DDX25: variants seen among roughly 807,000 people sequenced by gnomAD.
The protein encoded by DDX25 is ATP-dependent RNA helicase DDX25.
In DDX25, 70 loss-of-function variants were observed where a neutral mutation model predicts 64.6. The ratio of observed to expected loss-of-function variants is 1.08; its 90% CI spans 0.89 to 1.32. The LOEUF (loss-of-function observed/expected upper bound fraction) is 1.32. DDX25 is among the 40% of genes most tolerant of loss of function. DDX25 has a pLI of 0.00. For synonymous variants in DDX25, 211 were observed against 213.3 expected (o/e 0.99, Z 0.09); for missense variants, 587 against 604.4 (o/e 0.97, Z 0.30).
At chr11:125,906,830 A>AAG (rs1031764258) in intron 4 of DDX25, among the ~76,000 whole-genome samples, 1 of 151,518 alleles carries the variant, frequency 6.6e-6, no homozygotes, top group African/African-American at 2.4e-5. Context: ...TCTCAAAAAA[A>AAG]AAAAAAAAAA....
Position 125,911,468 on chromosome 11 carries a change from T to C in DDX25, c.780T>C (p.Asp260=), listed in dbSNP as rs761085432. ...TGATTGACACTCAAGGATTCTCAGATCATAGTATTCGTATTCAAAGGTAAT... is the reference window on the plus strand; with the variant it reads ...TGATTGACACTCAAGGATTCTCAGACCATAGTATTCGTATTCAAAGGTAAT... The part of the protein sequence containing the change: ...DVMIDTQGFS[D]HSIRIQRALP... Residue 260 remains aspartate, a synonymous_variant, in exon 8 of 12, where the codon GAT becomes GAC. Coordinates refer to ENST00000263576, the MANE Select transcript of DDX25 (RefSeq NM_013264.5). 1 of 1,613,904 alleles carries C rather than the reference T, an allele frequency of 6.2e-7. No individual in the cohort carries two copies. The highest frequency in any genetic ancestry group is 8.5e-7 in the Non-Finnish European group (1 of 1,179,840).
At chr11:125,908,982 C>T (rs1303391729) in intron 6 of DDX25, among the ~76,000 whole-genome samples, 1 of 152,176 alleles carries the variant, frequency 6.6e-6, no homozygotes, top group Non-Finnish European at 1.5e-5. Context: ...AACTGCAGGA[C>T]CAGAAGGTCA....
rs781192554 is a variant in DDX25, at chr11:125,928,795, T to A, written c.*5914T>A. On this transcript the variant is annotated 3_prime_UTR_variant, in exon 12 of 12. Transcript: ENST00000263576. The stretch of plus-strand genomic sequence containing the variant: ...AGTTGTGTGAAATATATGTGTGAAT[T>A]TATTTTTCCAAATAAAATAAAGACA... The A allele has an allele frequency of 5.9e-5, 9 of 152,220 alleles. No individual in the cohort carries two copies. The highest frequency in any genetic ancestry group is 1.3e-4 in the Non-Finnish European group (9 of 68,038). 9.4% of individuals were successfully genotyped at this position (152,220 alleles called of 1,614,324 possible).
At position 125,926,035 on chromosome 11, in the gene DDX25, T is replaced by C. The variant is rs1327904410; in HGVS notation, c.*3154T>C. The C allele has an allele frequency of 6.5e-6, 1 of 152,700 alleles. No homozygotes were observed. The highest frequency in any genetic ancestry group is 1.5e-5 in the Non-Finnish European group (1 of 68,540). 9.5% of individuals were successfully genotyped at this position (152,700 alleles called of 1,614,324 possible). A position where few individuals can be genotyped will look rare whatever the true frequency, so the allele number is the denominator to read the frequency against. On this transcript the variant is annotated 3_prime_UTR_variant, in exon 12 of 12. Coordinates refer to ENST00000263576, the MANE Select transcript of DDX25 (RefSeq NM_013264.5). ...AGACAGCAGAGAGAGAGAGGCTGGT[T>C]TTGTCAAGCCTTGGCTTGGTTCCTG...
At chr11:125,906,299 T>A in intron 4 of DDX25, 90 bp downstream of exon 4, 1 of 1,386,554 alleles carries the variant, frequency 7.2e-7, no homozygotes, top group Non-Finnish European at 9.4e-7. Flanking sequence ...CAGGATCTCC[T>A]CTTTGTTTTC....
At position 125,904,588 on chromosome 11, in the gene DDX25, C is replaced by A; in HGVS notation, c.63+8C>A. 6.8e-7 allele frequency: 1 copy of A among 1,480,180 alleles called. No individual in the cohort carries two copies. The allele number at this position is 1,480,180 out of a possible 1,614,324, so 91.7% of individuals were successfully genotyped here. ...GAGCGGCTGAACAGCCACGTAACCG[C>A]CACCGAGCCGGGGGGCCACAGCCGC... On this transcript the variant is annotated splice_region_variant and intron_variant, in intron 1 of 11. Transcript: ENST00000263576.
Position 125,906,909 on chromosome 11 carries a change from G to C in DDX25, c.311+700G>C, listed in dbSNP as rs148213680. 5.3e-3 allele frequency among the ~76,000 whole-genome samples: 810 copies of C among 151,442 alleles called. 7 individuals are homozygous for C. The highest frequency in any genetic ancestry group is 0.019 in the African/African-American group (766 of 41,218). ...AAATTGAGAACATTTTTGATAGTAAGATATTTTCATCCTGCAGTGCTCAGG... is the reference window on the plus strand; with the variant it reads ...AAATTGAGAACATTTTTGATAGTAACATATTTTCATCCTGCAGTGCTCAGG... On this transcript the variant is annotated intron_variant, in intron 4 of 11. Transcript: ENST00000263576.
chr11:125,912,528 C>G (rs1044412271), intron 8 of DDX25, among the ~76,000 whole-genome samples: 11 of 152,168 alleles, frequency 7.2e-5, no homozygotes, highest in Admixed American at 6.5e-5. Flanking sequence ...GTAACTTATA[C>G]ACATCCTCTT....
chr11:125,907,305 T>C (rs1463966207), intron 4 of DDX25, among the ~76,000 whole-genome samples: 5 of 152,174 alleles, frequency 3.3e-5, no homozygotes, highest in Admixed American at 1.3e-4. Context: ...CAAATGTGCA[T>C]GTCATTAAAA....
intron 4 of DDX25, among the ~76,000 whole-genome samples, chr11:125,907,491 CTA>C: frequency 6.6e-6 from 1 of 152,092 alleles, no homozygotes; most frequent in East Asian, 1.9e-4. Flanking sequence ...GCCTGTAGTC[CTA>C]GCTACTCGGG....
chr11:125,927,766 G>A lies in DDX25; in HGVS notation c.*4885G>A, dbSNP rs1470677197. 2.6e-5 allele frequency: 4 copies of A among 152,268 alleles called. No homozygotes were observed. The South Asian group carries it at 6.2e-4, about 24-fold the overall frequency. The allele number at this position is 152,268 out of a possible 1,614,324, so 9.4% of individuals were successfully genotyped here. A position where few individuals can be genotyped will look rare whatever the true frequency, so the allele number is the denominator to read the frequency against. On this transcript the variant is annotated 3_prime_UTR_variant, in exon 12 of 12. Coordinates refer to ENST00000263576, the MANE Select transcript of DDX25 (RefSeq NM_013264.5). The stretch of plus-strand genomic sequence containing the variant: ...ACTGAGCAGGCTGCTTTGTGAGGTG[G>A]TGAACTCCCCATTCATGAGAGCATT...
chr11:125,904,601 G>C lies in DDX25; in HGVS notation c.63+21G>C, dbSNP rs543653685. 6.1e-5 allele frequency: 88 copies of C among 1,452,746 alleles called. No individual in the cohort carries two copies. In the Middle Eastern group the frequency reaches 6.4e-4, roughly 11 times the overall value. 90.0% of individuals were successfully genotyped at this position (1,452,746 alleles called of 1,614,324 possible). ...GCCACGTAACCGCCACCGAGCCGGG[G>C]GGCCACAGCCGCGGGGGTGGAGCTC... is the stretch of plus-strand genomic sequence containing the variant. On this transcript the variant is annotated intron_variant, in intron 1 of 11. Coordinates refer to ENST00000263576, the MANE Select transcript of DDX25 (RefSeq NM_013264.5).
At chr11:125,910,337 C>T in intron 6 of DDX25, 27 bp from the exon 7 acceptor site, 1 of 1,594,250 alleles carries the variant, frequency 6.3e-7, no homozygotes, top group Non-Finnish European at 8.6e-7. Context: ...AACCTTTCTC[C>T]TCCCCTCTTC....
At chr11:125,917,296 A>G (rs752896974) in intron 9 of DDX25, 45 bp downstream of exon 9, 1 of 1,537,330 alleles carries the variant, frequency 6.5e-7, no homozygotes, top group South Asian at 1.2e-5. Flanking sequence ...ATATGCCTAC[A>G]GGCCGAGGTG....
Position 125,921,268 on chromosome 11 carries a change from A to C in DDX25, c.1279A>C (p.Thr427Pro). The change falls in exon 11 of 12, where the codon ACC (threonine) becomes CCC (proline). Residue 427 changes from threonine to proline, a missense_variant. Physicochemically the swap from Thr to Pro is conservative, Grantham distance 38 (BLOSUM62 -1). Transcript: ENST00000263576. The surrounding 1 kb of genome is among the most constrained non-coding windows in gnomAD (Gnocchi z 4.1). ...VKQGEEPDYE[T>P]YLHRIGRTGR... is the part of the protein sequence containing the mutation. ...ACAAGGAGAGGAGCCGGACTATGAG[A>C]CCTACCTCCACCGCATAGGGCGGAC... is the stretch of plus-strand genomic sequence containing the variant. The C allele has an allele frequency of 6.2e-7, 1 of 1,613,250 alleles. No individual in the cohort carries two copies. The highest frequency in any genetic ancestry group is 8.5e-7 in the Non-Finnish European group (1 of 1,179,662).
chr11:125,907,444 T>C (rs930101577), intron 4 of DDX25, among the ~76,000 whole-genome samples: 7 of 152,026 alleles, frequency 4.6e-5, no homozygotes, highest in Non-Finnish European at 1.0e-4. Context: ...CCGTCTCTAC[T>C]AAAAATACAA....
chr11:125,913,261 A>G (rs1321031877), intron 8 of DDX25, among the ~76,000 whole-genome samples: 1 of 151,546 alleles, frequency 6.6e-6, no homozygotes, highest in African/African-American at 2.4e-5. Context: ...AGCTGTCATC[A>G]TGGGTCTTTC....
In DDX25 at chr11:125,918,804, G is replaced by A. The variant is rs776691902; in HGVS notation, c.1201+14G>A. 3 of 1,551,754 alleles carry A rather than the reference G, an allele frequency of 1.9e-6. No individual in the cohort carries two copies. The African/African-American group carries it at 4.1e-5, about 21-fold the overall frequency. On this transcript the variant is annotated intron_variant, in intron 10 of 11. Transcript: ENST00000263576. ...TTTGTGCCCGAGGTGTGTGTTAAAAGTCAGGTCTTGAGTTCTAATTTGCAT... is the reference window on the plus strand; with the variant it reads ...TTTGTGCCCGAGGTGTGTGTTAAAAATCAGGTCTTGAGTTCTAATTTGCAT...
At chr11:125,905,818 G>C (rs567420290) in intron 3 of DDX25, among the ~76,000 whole-genome samples, 36 of 152,358 alleles carry the variant, frequency 2.4e-4, no homozygotes, top group African/African-American at 8.4e-4. Context: ...ACTTCCATCT[G>C]TCAAGGATTT....
Sources: gnomAD v4.1 joint callset for allele counts (sites outside exome capture counted in the v4.1 genomes callset) on GRCh38, gnomAD v4.1.1 for gene constraint, Gnocchi (gnomAD v3.1) non-coding constraint, MANE v1.5 for transcripts, NCBI Gene and HGNC (gene_info 2026-07-23, HGNC 2026-07-21) for gene names.